The following FADS6 variants were observed in gnomAD, a reference collection of about 807,000 sequenced individuals.
FADS6 encodes the protein fatty acid desaturase 6, also known as fatty acid desaturase domain family, member 6.
A neutral mutation model predicts 31.7 loss-of-function variants in FADS6; 28 were observed. The ratio of observed to expected loss-of-function variants is 0.88; its 90% CI spans 0.66 to 1.21. The LOEUF (loss-of-function observed/expected upper bound fraction) is 1.21. Among genes scored for constraint, FADS6 ranks in the 50% most tolerant of loss-of-function variants. The probability of loss-of-function intolerance (pLI) is 0.00; values close to 1 mark genes in which losing one functional copy is unlikely to be tolerated. For synonymous variants in FADS6, 191 were observed against 213.1 expected, an observed-to-expected ratio of 0.90 and a Z score of 0.90; for missense variants, 494 against 504.2, an observed-to-expected ratio of 0.98 and a Z score of 0.19.
intron 2 of FADS6, among the ~76,000 whole-genome samples, chr17:74,888,142 ACACACACACACACGCGCGCG>A (rs1405555209): frequency 2.6e-4 from 29 of 109,752 alleles, no homozygotes; most frequent in South Asian, 8.0e-4. Context: ...ACACACACAC[ACACACACACACACGCGCGCG>A]CGCGCGCGCG....
intron 2 of FADS6, among the ~76,000 whole-genome samples, chr17:74,891,222 G>C (rs560797173): frequency 1.3e-5 from 2 of 148,924 alleles, no homozygotes; most frequent in East Asian, 2.0e-4. Context: ...ACTTTTAGTA[G>C]AGATCAGGTT....
chr17:74,888,963 C>T (rs537965369), intron 2 of FADS6, among the ~76,000 whole-genome samples: 4 of 152,294 alleles, frequency 2.6e-5, no homozygotes, highest in South Asian at 2.1e-4. Flanking sequence ...CAGGTACTCT[C>T]GCTGGGTAAG....
intron 2 of FADS6, among the ~76,000 whole-genome samples, chr17:74,888,146 A>ACGCGCGCG (rs1178449874): frequency 5.3e-5 from 6 of 113,596 alleles, no homozygotes; most frequent in African/African-American, 1.6e-4. Flanking sequence ...ACACACACAC[A>ACGCGCGCG]CACACACACG....
At chr17:74,875,050 C>T (rs895568375), downstream of FADS6, among the ~76,000 whole-genome samples, 1 of 152,140 alleles carries the variant, frequency 6.6e-6, no homozygotes, top group African/African-American at 2.4e-5. Flanking sequence ...AATGGAAGTT[C>T]GTACAATCGA....
chr17:74,880,695 G>A (rs2038558094), intron 4 of FADS6, among the ~76,000 whole-genome samples: 1 of 152,098 alleles, frequency 6.6e-6, no homozygotes. Flanking sequence ...CTCAGAGCAG[G>A]GGGTGGTCGG....
At chr17:74,892,375 C>T in intron 2 of FADS6, 148 bp downstream of exon 2, 1 of 966,896 alleles carries the variant, frequency 1.0e-6, no homozygotes, top group Non-Finnish European at 1.5e-6. Flanking sequence ...GTAGTGCATA[C>T]TGCACCAGTG....
At chr17:74,876,010 G>C (rs1432229703), downstream of FADS6, among the ~76,000 whole-genome samples, 1 of 152,240 alleles carries the variant, frequency 6.6e-6, no homozygotes, top group Non-Finnish European at 1.5e-5. Flanking sequence ...CAAGCCTGGA[G>C]GGAGCTGTTT....
intron 1 of FADS6, among the ~76,000 whole-genome samples, chr17:74,892,961 G>C (rs1017290854): frequency 6.6e-6 from 1 of 152,126 alleles, no homozygotes; most frequent in Non-Finnish European, 1.5e-5. Context: ...TACCATGGGT[G>C]TTCCAGACCA....
At chr17:74,879,287 T>G in intron 5 of FADS6, 117 bp downstream of exon 5, 1 of 1,301,320 alleles carries the variant, frequency 7.7e-7, no homozygotes, top group South Asian at 1.5e-5. Context: ...TCTGCCCACC[T>G]CAGCCTCCGC....
chr17:74,879,243 C>T (rs1221752725), intron 5 of FADS6, 161 bp downstream of exon 5: 7 of 848,286 alleles, frequency 8.3e-6, no homozygotes, highest in Non-Finnish European at 1.2e-5. Flanking sequence ...CACCATGTTG[C>T]CCAGGCTGCT....
rs1332515247 is a variant in FADS6 at position 74,893,326 on chromosome 17, G to C, written c.244+26C>G. 3.3e-6 allele frequency: 5 copies of C among 1,503,288 alleles called. No individual in the cohort carries two copies. The South Asian group carries it at 5.0e-5, about 15-fold the overall frequency. The allele number at this position is 1,503,288 out of a possible 1,614,324, so 93.1% of individuals were successfully genotyped here. A position where few individuals can be genotyped will look rare whatever the true frequency, so the allele number is the denominator to read the frequency against. On this transcript the variant is annotated intron_variant, in intron 1 of 5. Coordinates refer to ENST00000612771, the MANE Select transcript of FADS6 (RefSeq NM_178128.6). ...CCCGCCCCCACCCGCAGCCCGGCCG[G>C]GACGCCGGGTCCCCGCGTTCCTCAC...
downstream of FADS6, among the ~76,000 whole-genome samples, chr17:74,876,840 T>G (rs1239054609): frequency 6.6e-6 from 1 of 151,884 alleles, no homozygotes; most frequent in African/African-American, 2.4e-5. Context: ...AGACCCTGTT[T>G]TCAACTAATG....
At chr17:74,885,701 G>A (rs889626205) in intron 2 of FADS6, among the ~76,000 whole-genome samples, 3 of 151,502 alleles carry the variant, frequency 2.0e-5, no homozygotes, top group Non-Finnish European at 2.9e-5. Context: ...ATCCCTGCCC[G>A]TCTGTCCTTA....
chr17:74,874,823 GCTTA>G (rs541490489), downstream of FADS6, among the ~76,000 whole-genome samples: 190 of 152,348 alleles, frequency 1.2e-3, 4 homozygotes, highest in South Asian at 0.035. Context: ...AGACATCCAT[GCTTA>G]CTTCTTTACA....
At chr17:74,890,791 A>T (rs1413966617) in intron 2 of FADS6, among the ~76,000 whole-genome samples, 1 of 152,122 alleles carries the variant, frequency 6.6e-6, no homozygotes, top group Admixed American at 6.5e-5. Flanking sequence ...CCAGTAGAGA[A>T]GCCCAGGAAG....
intron 2 of FADS6, among the ~76,000 whole-genome samples, chr17:74,888,614 T>C (rs1187641530): frequency 6.6e-6 from 1 of 151,862 alleles, no homozygotes; most frequent in Non-Finnish European, 1.5e-5. Context: ...AAGGTGCCCT[T>C]CCCCCAGGGC....
At chr17:74,875,129 A>G (rs2038500574), downstream of FADS6, among the ~76,000 whole-genome samples, 1 of 152,218 alleles carries the variant, frequency 6.6e-6, no homozygotes, top group African/African-American at 2.4e-5. Flanking sequence ...CTAGAGTCAG[A>G]CAACATTGGG....
chr17:74,890,502 G>A (rs2038678178), intron 2 of FADS6, among the ~76,000 whole-genome samples: 1 of 152,170 alleles, frequency 6.6e-6, no homozygotes, highest in South Asian at 2.1e-4. Context: ...AGTCCACCAG[G>A]CAGGTGTCAC....
chr17:74,891,983 C>T (rs1422395914), intron 2 of FADS6, among the ~76,000 whole-genome samples: 43 of 152,184 alleles, frequency 2.8e-4, no homozygotes, highest in Admixed American at 2.8e-3. Flanking sequence ...CTGGTCGAAA[C>T]TTTTGCCTTC....
Sources: gnomAD v4.1 joint callset for allele counts (sites outside exome capture counted in the v4.1 genomes callset) on GRCh38, gnomAD v4.1.1 for gene constraint, MANE v1.5 for transcripts, NCBI Gene and HGNC (gene_info 2026-07-23, HGNC 2026-07-21) for gene names.